DNAH12: variants seen among roughly 807,000 people sequenced by gnomAD.
DNAH12 encodes the protein dynein axonemal heavy chain 12, also known as axonemal beta dynein heavy chain 12.
A neutral mutation model predicts 371.5 loss-of-function variants in DNAH12; 285 were observed. The observed-to-expected ratio is 0.77, with a 90% CI of 0.70 to 0.85. DNAH12 has a LOEUF of 0.85. Ranked by LOEUF, DNAH12 falls within the 40% of genes least tolerant of loss-of-function variation. The pLI is 0.00. For synonymous variants in DNAH12, 1,200 were observed against 1,213.0 expected, an observed-to-expected ratio of 0.99 and a Z score of 0.22; for missense variants, 3,611 against 3,689.4, an observed-to-expected ratio of 0.98 and a Z score of 0.55.
chr3:57,332,589 A>G (rs138176620), intron 62 of DNAH12, among the ~76,000 whole-genome samples: 81 of 152,300 alleles, frequency 5.3e-4, no homozygotes, highest in Non-Finnish European at 9.8e-4. Context: ...ATGCAGTGTC[A>G]CTGAGTTGCA....
At chr3:57,379,842 CAAAA>C (rs1170490495) in intron 51 of DNAH12, among the ~76,000 whole-genome samples, 36 of 22,370 alleles carry the variant, frequency 1.6e-3, no homozygotes, top group African/African-American at 4.0e-3. Context: ...CTCTGTCTCC[CAAAA>C]AAAAAAAAAA....
At chr3:57,508,791 G>GCTCTC (rs1222935232) in intron 6 of DNAH12, among the ~76,000 whole-genome samples, 1 of 152,168 alleles carries the variant, frequency 6.6e-6, no homozygotes, top group Non-Finnish European at 1.5e-5. Context: ...CCAGATCTGA[G>GCTCTC]AGCTCTGCTA....
intron 69 of DNAH12, among the ~76,000 whole-genome samples, chr3:57,302,567 A>ATT (rs71088056): frequency 1.5e-4 from 4 of 27,480 alleles, no homozygotes; most frequent in African/African-American, 1.3e-4. Context: ...ATATATATGT[A>ATT]TTTTTTTTTT....
chr3:57,547,713 A>G (rs996305340), upstream of DNAH12, among the ~76,000 whole-genome samples: 2 of 152,220 alleles, frequency 1.3e-5, no homozygotes, highest in African/African-American at 4.8e-5. Flanking sequence ...ACTCTGAAAG[A>G]AAATAATAAT....
chr3:57,401,248 A>G (rs2153351144), intron 43 of DNAH12, among the ~76,000 whole-genome samples: 1 of 152,166 alleles, frequency 6.6e-6, no homozygotes, highest in Non-Finnish European at 1.5e-5. Context: ...AGCTGTAAAT[A>G]CATATATTGA....
At chr3:57,419,562 G>T in intron 36 of DNAH12, 44 bp from the exon 37 acceptor site, 2 of 1,329,352 alleles carry the variant, frequency 1.5e-6, no homozygotes, top group South Asian at 2.0e-5. Context: ...CCATGTACTT[G>T]CTGTATCTGA....
intron 65 of DNAH12, among the ~76,000 whole-genome samples, chr3:57,318,076 C>G (rs558328638): frequency 3.0e-4 from 46 of 152,178 alleles, no homozygotes; most frequent in African/African-American, 1.1e-3. Context: ...AACTCCTTAT[C>G]TAATATATGG....
intron 37 of DNAH12, among the ~76,000 whole-genome samples, chr3:57,417,899 C>A (rs966144630): frequency 1.4e-4 from 21 of 152,026 alleles, no homozygotes; most frequent in African/African-American, 4.8e-4. Context: ...GCCTGTAATC[C>A]CAGCACTTTG....
chr3:57,406,241 C>T (rs1412532489), intron 40 of DNAH12, among the ~76,000 whole-genome samples: 1 of 151,200 alleles, frequency 6.6e-6, no homozygotes, highest in South Asian at 2.1e-4. Context: ...ATCCCAGCTA[C>T]GCAGGAGGCT....
intron 34 of DNAH12, among the ~76,000 whole-genome samples, chr3:57,425,898 A>G (rs1415844925): frequency 6.6e-6 from 1 of 152,238 alleles, no homozygotes. Flanking sequence ...AAAATTAAAT[A>G]GACAAAAATA....
At chr3:57,533,205 G>A (rs6793554) in intron 2 of DNAH12, among the ~76,000 whole-genome samples, 46 of 151,300 alleles carry the variant, frequency 3.0e-4, no homozygotes, top group African/African-American at 1.0e-3. Flanking sequence ...TGAATGCTGC[G>A]TGGCCTGGGA....
intron 73 of DNAH12, among the ~76,000 whole-genome samples, chr3:57,294,990 T>A (rs1161815739): frequency 1.3e-5 from 2 of 152,186 alleles, no homozygotes; most frequent in Admixed American, 6.5e-5. Flanking sequence ...GAGACTTTTT[T>A]TTCCAGACTT....
At chr3:57,490,744 A>C (rs1342612555) in intron 11 of DNAH12, among the ~76,000 whole-genome samples, 12 of 152,026 alleles carry the variant, frequency 7.9e-5, no homozygotes, top group Non-Finnish European at 1.3e-4. Context: ...GAAGATAATA[A>C]TTAATTGATT....
rs1296524820 is a variant in DNAH12 at position 57,421,511 on chromosome 3, G to A, written c.5562+7C>T. On this transcript the variant is annotated splice_region_variant and intron_variant, in intron 36 of 73. Transcript: ENST00000495027. Reference sequence around the variant, plus strand: ...TATCTTACCATAACAAGCTTTTTATGTCATACCTCATACATGTAGTCATAG... The same window carrying A: ...TATCTTACCATAACAAGCTTTTTATATCATACCTCATACATGTAGTCATAG... The A allele has an allele frequency of 1.9e-6, 3 of 1,551,218 alleles. No individual in the cohort carries two copies. The highest frequency in any genetic ancestry group is 2.6e-6 in the Non-Finnish European group (3 of 1,146,798).
intron 8 of DNAH12, among the ~76,000 whole-genome samples, chr3:57,504,867 C>CT (rs566605811): frequency 4.0e-4 from 60 of 150,846 alleles, no homozygotes; most frequent in South Asian, 1.3e-3. Context: ...TTTTTTCTCT[C>CT]TTTTTTTTTC....
intron 12 of DNAH12, among the ~76,000 whole-genome samples, chr3:57,488,955 T>TGTGTGCACGTGC: frequency 6.6e-6 from 1 of 152,062 alleles, no homozygotes. Flanking sequence ...TGTGTGTGTG[T>TGTGTGCACGTGC]GTGTGCACGT....
chr3:57,546,097 C>G (rs1208522732), upstream of DNAH12, among the ~76,000 whole-genome samples: 2 of 152,116 alleles, frequency 1.3e-5, no homozygotes, highest in Non-Finnish European at 2.9e-5. Flanking sequence ...TAAGCAGCAT[C>G]TATGAATCAT....
chr3:57,456,723 T>C (rs2065912753), intron 22 of DNAH12, among the ~76,000 whole-genome samples: 1 of 152,198 alleles, frequency 6.6e-6, no homozygotes, highest in Non-Finnish European at 1.5e-5. Context: ...GCCTAGCTCA[T>C]AGCATTTCAA....
At chr3:57,299,972 A>G (rs1013428100) in intron 70 of DNAH12, among the ~76,000 whole-genome samples, 17 of 152,176 alleles carry the variant, frequency 1.1e-4, no homozygotes, top group African/African-American at 3.1e-4. Flanking sequence ...ATTGTTCTGA[A>G]AAATGTCTAA....
Sources: allele counts gnomAD v4.1 joint callset (sites outside exome capture counted in the v4.1 genomes callset), GRCh38; gene constraint gnomAD v4.1.1; transcripts MANE v1.5; gene names NCBI Gene and HGNC (gene_info 2026-07-23, HGNC 2026-07-21).